RIMS1: variants seen among roughly 807,000 people sequenced by gnomAD.
The protein encoded by RIMS1 is regulating synaptic membrane exocytosis protein 1.
A neutral mutation model predicts 214.1 loss-of-function variants in RIMS1; 83 were observed. The ratio of observed to expected loss-of-function variants is 0.39; its 90% CI spans 0.32 to 0.47. The LOEUF (loss-of-function observed/expected upper bound fraction) is 0.47, where lower values mean the gene tolerates loss of function less well. Ranked by LOEUF, RIMS1 falls within the 20% of genes least tolerant of loss-of-function variation. RIMS1 has a pLI of 0.99. For missense variants in RIMS1, 2,050 were observed against 2,161.8 expected (o/e 0.95, Z 1.03); for synonymous variants, 793 against 786.8 (o/e 1.01, Z -0.13).
chr6:72,313,452 G>GT (rs1444228206), intron 27 of RIMS1, 54 bp from the exon 28 acceptor site: 5 of 1,541,844 alleles, frequency 3.2e-6, no homozygotes, highest in Non-Finnish European at 3.6e-6. Context: ...CACCATCTAT[G>GT]TTTTTTCCAT....
chr6:72,113,738 G>A (rs1026290023), intron 4 of RIMS1, among the ~76,000 whole-genome samples: 88 of 152,094 alleles, frequency 5.8e-4, no homozygotes, highest in Middle Eastern at 3.4e-3. Flanking sequence ...TAACTGGGCT[G>A]ATCACCAATT....
At chr6:72,223,411 A>G (rs1316701001) in intron 6 of RIMS1, among the ~76,000 whole-genome samples, 4 of 152,142 alleles carry the variant, frequency 2.6e-5, no homozygotes, top group Non-Finnish European at 5.9e-5. Context: ...TATTGTGTAC[A>G]TATCATTTAG....
intron 2 of RIMS1, among the ~76,000 whole-genome samples, chr6:72,078,516 T>C (rs1228202627): frequency 6.6e-6 from 1 of 152,134 alleles, no homozygotes; most frequent in Non-Finnish European, 1.5e-5. Flanking sequence ...ACAAAACTGG[T>C]AGTGGCTGCA....
At chr6:72,254,580 G>A (rs2074982262) in intron 16 of RIMS1, among the ~76,000 whole-genome samples, 1 of 152,142 alleles carries the variant, frequency 6.6e-6, no homozygotes, top group Admixed American at 6.5e-5. Flanking sequence ...TTGCTTCGGT[G>A]AGTGGTTCCC....
chr6:71,917,787 G>GT (rs1649132273), intron 1 of RIMS1, among the ~76,000 whole-genome samples: 1 of 152,140 alleles, frequency 6.6e-6, no homozygotes, highest in African/African-American at 2.4e-5. Context: ...GGATGGGCTG[G>GT]TGTTTGAGCG....
At chr6:72,116,526 C>T (rs1009774556) in intron 4 of RIMS1, among the ~76,000 whole-genome samples, 1 of 152,012 alleles carries the variant, frequency 6.6e-6, no homozygotes, top group Non-Finnish European at 1.5e-5. Flanking sequence ...CAAATCCCCA[C>T]TTACTTACAT....
Position 72,007,108 on chromosome 6 carries a change from T to C in RIMS1, c.245+38045T>C, listed in dbSNP as rs150620618. 2.1e-3 allele frequency among the ~76,000 whole-genome samples: 325 copies of C among 152,236 alleles called. 1 individual carries two copies. Among genetic ancestry groups the C allele is most frequent in the Middle Eastern group, 6.8e-3 (2 of 294 alleles). ...CAGACTGACACCTCACATGGCTGGG[T>C]ACTCCTCTGAGACAAAACTTCCAGA... On this transcript the variant is annotated intron_variant, in intron 2 of 33. Coordinates refer to ENST00000521978, the MANE Select transcript of RIMS1 (RefSeq NM_014989.7).
chr6:72,218,515 A>C lies in RIMS1; in HGVS notation c.1679-15258A>C, dbSNP rs149964338. 3.8e-4 allele frequency among the ~76,000 whole-genome samples: 58 copies of C among 152,310 alleles called. No individual in the cohort carries two copies. The East Asian group carries it at 0.011, about 28-fold the overall frequency. On this transcript the variant is annotated intron_variant, in intron 6 of 33. Coordinates refer to ENST00000521978, the MANE Select transcript of RIMS1 (RefSeq NM_014989.7). ...ATATGAATCAGATTGCTGCCTACCA[A>C]ATACTAGTTAATGTTTGTGAGTCTA...
intron 4 of RIMS1, among the ~76,000 whole-genome samples, chr6:72,112,454 C>A (rs1351964524): frequency 6.6e-6 from 1 of 152,108 alleles, no homozygotes; most frequent in South Asian, 2.1e-4. Flanking sequence ...AGCAAAGACC[C>A]CTACAATTGT....
intron 6 of RIMS1, among the ~76,000 whole-genome samples, chr6:72,215,269 A>G (rs1199364241): frequency 2.0e-5 from 3 of 152,186 alleles, no homozygotes; most frequent in Non-Finnish European, 4.4e-5. Context: ...TGCTCCGGAA[A>G]ATCTTCACCA....
intron 2 of RIMS1, among the ~76,000 whole-genome samples, chr6:72,051,573 T>C (rs946929943): frequency 2.0e-5 from 3 of 152,132 alleles, no homozygotes; most frequent in Non-Finnish European, 4.4e-5. Flanking sequence ...AGCCTAATCC[T>C]AAAACAGTAG....
intron 6 of RIMS1, among the ~76,000 whole-genome samples, chr6:72,225,964 A>G (rs2060057023): frequency 6.6e-6 from 1 of 152,076 alleles, no homozygotes; most frequent in South Asian, 2.1e-4. Flanking sequence ...TCTTCTCCAA[A>G]CTGTTTTGTG....
At chr6:71,956,867 A>G (rs1319073038) in intron 1 of RIMS1, among the ~76,000 whole-genome samples, 2 of 152,066 alleles carry the variant, frequency 1.3e-5, no homozygotes, top group Admixed American at 1.3e-4. Context: ...CACCCAGGAG[A>G]GCTAATAATG....
intron 8 of RIMS1, among the ~76,000 whole-genome samples, 186 bp downstream of exon 8, chr6:72,235,914 G>C (rs2063834233): frequency 6.6e-6 from 1 of 151,740 alleles, no homozygotes; most frequent in Non-Finnish European, 1.5e-5. Context: ...TGACTATAAA[G>C]TTCAGGATGA....
intron 28 of RIMS1, among the ~76,000 whole-genome samples, chr6:72,325,717 G>T (rs1360995551): frequency 6.6e-6 from 1 of 151,826 alleles, no homozygotes; most frequent in Admixed American, 6.6e-5. Flanking sequence ...CTCAACACAT[G>T]TATGTGTGTG....
chr6:72,297,936 T>C lies in RIMS1; in HGVS notation c.3850+5890T>C, dbSNP rs78546468. Among the ~76,000 whole-genome samples, 1,275 of 152,098 alleles carry C rather than the reference T, an allele frequency of 8.4e-3. 20 individuals carry two copies. Among genetic ancestry groups the C allele is most frequent in the African/African-American group, 0.03 (1,239 of 41,532 alleles). ...TTTGTCTTTGCTGGGATCTATCTTATTAGAGAATTCAGGTTATTGTGAGTA... is the reference window on the plus strand; with the variant it reads ...TTTGTCTTTGCTGGGATCTATCTTACTAGAGAATTCAGGTTATTGTGAGTA... On this transcript the variant is annotated intron_variant, in intron 26 of 33. Transcript: ENST00000521978.
chr6:71,893,223 G>A (rs1344924440), intron 1 of RIMS1, among the ~76,000 whole-genome samples: 1 of 152,150 alleles, frequency 6.6e-6, no homozygotes, highest in Non-Finnish European at 1.5e-5. Flanking sequence ...GTGTTGCCAG[G>A]GTTGCAGCTC....
In RIMS1 at chr6:72,375,365, CT is replaced by C. The variant is rs200466706; in HGVS notation, c.4367-15226del. On this transcript the variant is annotated intron_variant, in intron 29 of 33. Coordinates refer to ENST00000521978, the MANE Select transcript of RIMS1 (RefSeq NM_014989.7). ...CTATACCTACTAAATAATCTTGATACTTTTTTTCTCCTCTAAAAGCATAAAT... is the reference window on the plus strand; with the variant it reads ...CTATACCTACTAAATAATCTTGATACTTTTTTCTCCTCTAAAAGCATAAAT... Among the ~76,000 whole-genome samples, 6 of 152,232 alleles carry C rather than the reference CT, an allele frequency of 3.9e-5. No homozygotes were observed. In the East Asian group the frequency reaches 5.8e-4, roughly 15 times the overall value.
chr6:72,265,887 T>C, intron 21 of RIMS1, 73 bp from the exon 22 acceptor site: 1 of 1,056,648 alleles, frequency 9.5e-7, no homozygotes, highest in African/African-American at 1.6e-5. Flanking sequence ...TGCTTTACTC[T>C]CTAACATGGT....
Sources: allele counts gnomAD v4.1 joint callset (sites outside exome capture counted in the v4.1 genomes callset), GRCh38; gene constraint gnomAD v4.1.1; transcripts MANE v1.5; gene names NCBI Gene and HGNC (gene_info 2026-07-23, HGNC 2026-07-21).